Variants in IL1RAPL1 observed in about 807,000 individuals in gnomAD.
IL1RAPL1 encodes interleukin 1 receptor accessory protein like 1.
In IL1RAPL1, 3 loss-of-function variants were observed where a neutral mutation model predicts 48.4. The ratio of observed to expected loss-of-function variants is 0.06; its 90% CI spans 0.03 to 0.16. The LOEUF (loss-of-function observed/expected upper bound fraction) is 0.16, where lower values mean the gene tolerates loss of function less well. Ranked by LOEUF, IL1RAPL1 falls within the 10% of genes least tolerant of loss-of-function variation. IL1RAPL1 has a pLI of 1.00. For missense variants in IL1RAPL1, 349 were observed against 530.6 expected (o/e 0.66, Z 3.36); for synonymous variants, 185 against 187.7 (o/e 0.99, Z 0.12).
chrX:29,351,652 T>C (rs1933232131), intron 3 of IL1RAPL1, among the ~76,000 whole-genome samples: 1 of 111,551 alleles, frequency 9.0e-6, no homozygotes, highest in Non-Finnish European at 1.9e-5. Flanking sequence ...CCTTCTAATG[T>C]TTTTTGTAAG....
At chrX:28,657,035 A>AC (rs1194052445) in intron 1 of IL1RAPL1, among the ~76,000 whole-genome samples, 1 of 109,735 alleles carries the variant, frequency 9.1e-6, no homozygotes. Context: ...TCAAAAAAAA[A>AC]AAAAAAAAAA....
At chrX:28,893,651 A>C (rs1922831153) in intron 2 of IL1RAPL1, among the ~76,000 whole-genome samples, 1 of 111,297 alleles carries the variant, frequency 9.0e-6, no homozygotes, top group African/African-American at 3.3e-5. Context: ...GGCCTGAATA[A>C]TCCCTGAGAA....
intron 2 of IL1RAPL1, among the ~76,000 whole-genome samples, chrX:29,128,936 A>G (rs1379166915): frequency 9.0e-6 from 1 of 111,353 alleles, no homozygotes; most frequent in Non-Finnish European, 1.9e-5. Flanking sequence ...GTGTTCATCT[A>G]ATTTGCAATT....
At chrX:29,373,866 A>ATT (rs1933579571) in intron 3 of IL1RAPL1, among the ~76,000 whole-genome samples, 3 of 23,491 alleles carry the variant, frequency 1.3e-4, no homozygotes, top group African/African-American at 4.9e-4. Context: ...CTCTCTTTTT[A>ATT]ATTTTTTTTT....
chrX:28,930,461 C>A (rs771890249), intron 2 of IL1RAPL1, among the ~76,000 whole-genome samples: 1 of 111,268 alleles, frequency 9.0e-6, no homozygotes, highest in African/African-American at 3.3e-5. Context: ...TTTATAGATT[C>A]ATTACATAGT....
In IL1RAPL1 at chrX:29,443,583, T is replaced by G. The variant is rs757803896; in HGVS notation, c.703+44275T>G. Among the ~76,000 whole-genome samples, 12 of 111,795 alleles carry G rather than the reference T, an allele frequency of 1.1e-4. No homozygotes were observed. In the South Asian group the frequency reaches 4.5e-3, roughly 42 times the overall value. ...CTTGTATATCGATGCCTTTCATCCCTTATGTCAGGTTCTTACCTCTGACTA... is the reference window on the plus strand; with the variant it reads ...CTTGTATATCGATGCCTTTCATCCCGTATGTCAGGTTCTTACCTCTGACTA... On this transcript the variant is annotated intron_variant, in intron 5 of 10. Transcript: ENST00000378993.
chrX:28,979,546 G>A (rs891609526), intron 2 of IL1RAPL1, among the ~76,000 whole-genome samples: 1 of 111,585 alleles, frequency 9.0e-6, no homozygotes, highest in Non-Finnish European at 1.9e-5. Context: ...TACAAGAATG[G>A]TCCAGCAATG....
At chrX:29,874,655 C>A (rs770419907) in intron 6 of IL1RAPL1, among the ~76,000 whole-genome samples, 1 of 112,564 alleles carries the variant, frequency 8.9e-6, no homozygotes, top group Non-Finnish European at 1.9e-5. Context: ...CCTTGCCCTG[C>A]ATTTACAGAT....
rs186232191 is a variant in IL1RAPL1 at position 29,842,689 on chromosome X, A to G, written c.779-74775A>G. Among the ~76,000 whole-genome samples the G allele has an allele frequency of 8.9e-5, 10 of 112,614 alleles. No individual in the cohort carries two copies. In the South Asian group the frequency reaches 1.5e-3, roughly 16 times the overall value. ...TAGTTCAGTGTTTTGTTGTCACAGT[A>G]TATAAAGTTTCTGACCATAACACCT... On this transcript the variant is annotated intron_variant, in intron 6 of 10. Coordinates refer to ENST00000378993, the MANE Select transcript of IL1RAPL1 (RefSeq NM_014271.4).
intron 2 of IL1RAPL1, among the ~76,000 whole-genome samples, chrX:29,263,463 A>G (rs1931895354): frequency 8.9e-6 from 1 of 112,239 alleles, no homozygotes; most frequent in Non-Finnish European, 1.9e-5. Flanking sequence ...TTCCCTCATG[A>G]TAATGAGAAA....
At chrX:29,493,201 A>T (rs1343527499) in intron 5 of IL1RAPL1, among the ~76,000 whole-genome samples, 1 of 111,828 alleles carries the variant, frequency 8.9e-6, no homozygotes, top group Non-Finnish European at 1.9e-5. Context: ...CTCTTGAGAC[A>T]GATTTCCCAG....
intron 8 of IL1RAPL1, among the ~76,000 whole-genome samples, chrX:29,925,410 C>CTTTTTT (rs1569204989): frequency 3.6e-3 from 22 of 6,075 alleles, no homozygotes; most frequent in African/African-American, 6.1e-3. Context: ...TGTCCCGTAA[C>CTTTTTT]TGTTTTTTTT....
At chrX:28,701,871 T>C (rs1346680082) in intron 1 of IL1RAPL1, among the ~76,000 whole-genome samples, 1 of 111,754 alleles carries the variant, frequency 8.9e-6, no homozygotes, top group East Asian at 2.8e-4. Flanking sequence ...AAAGAAAATC[T>C]AATGATTTAC....
chrX:29,119,547 A>G (rs1325054732), intron 2 of IL1RAPL1, among the ~76,000 whole-genome samples: 2 of 111,916 alleles, frequency 1.8e-5, no homozygotes, highest in Admixed American at 9.5e-5. Flanking sequence ...GCTGCCCCCA[A>G]AATTGCAGAA....
chrX:29,375,834 A>G (rs996216390), intron 3 of IL1RAPL1, among the ~76,000 whole-genome samples: 1 of 112,022 alleles, frequency 8.9e-6, no homozygotes, highest in Non-Finnish European at 1.9e-5. Context: ...TAGATTTTCT[A>G]ATTTGTTTGC....
chrX:29,377,697 C>T (rs1449979017), intron 3 of IL1RAPL1, among the ~76,000 whole-genome samples: 1 of 111,893 alleles, frequency 8.9e-6, no homozygotes, highest in Non-Finnish European at 1.9e-5. Flanking sequence ...CCAATTTTTT[C>T]TGGCTTGTGA....
At chrX:29,871,797 C>T (rs1931803309) in intron 6 of IL1RAPL1, among the ~76,000 whole-genome samples, 1 of 111,066 alleles carries the variant, frequency 9.0e-6, no homozygotes, top group Admixed American at 9.6e-5. Flanking sequence ...TATCTCTGCT[C>T]ACTGCAACCT....
intron 2 of IL1RAPL1, among the ~76,000 whole-genome samples, chrX:29,172,069 T>G (rs140084551): frequency 0.012 from 1,348 of 112,668 alleles, 19 homozygotes; most frequent in African/African-American, 0.042. Flanking sequence ...CTTGACCAAA[T>G]TCTGCTTAGT....
intron 3 of IL1RAPL1, among the ~76,000 whole-genome samples, chrX:29,319,055 T>C (rs1252356708): frequency 9.0e-6 from 1 of 111,312 alleles, no homozygotes; most frequent in African/African-American, 3.3e-5. Context: ...ATTCCTATAT[T>C]CCATATGGCA....
Sources: allele counts gnomAD v4.1 joint callset (sites outside exome capture counted in the v4.1 genomes callset), GRCh38; gene constraint gnomAD v4.1.1; transcripts MANE v1.5; gene names NCBI Gene and HGNC (gene_info 2026-07-23, HGNC 2026-07-21).